WASF3: variants seen among roughly 807,000 people sequenced by gnomAD.
WASF3 encodes the protein WASP family member 3.
In WASF3, 11 loss-of-function variants were observed where a neutral mutation model predicts 46.6. The observed-to-expected ratio is 0.24, with a 90% CI of 0.15 to 0.39. WASF3 has a LOEUF of 0.39. WASF3 is among the 10% of genes least tolerant of loss of function. WASF3 has a pLI of 1.00. For synonymous variants in WASF3, 242 were observed against 259.7 expected (o/e 0.93, Z 0.65); for missense variants, 576 against 669.8 (o/e 0.86, Z 1.55).
At chr13:26,659,565 C>CA (rs1462218907) in intron 3 of WASF3, among the ~76,000 whole-genome samples, 9 of 152,192 alleles carry the variant, frequency 5.9e-5, no homozygotes, top group Middle Eastern at 6.8e-3. Context: ...GTGAACTGAG[C>CA]AGGGGCGTGG....
At chr13:26,539,203 G>A in the WASF3 span, among the ~76,000 whole-genome samples, 1 of 152,134 alleles carries the variant, frequency 6.6e-6, no homozygotes. Flanking sequence ...AATTGAGCCT[G>A]GAGGACAAAT....
intron 1 of WASF3, among the ~76,000 whole-genome samples, chr13:26,605,863 C>G (rs1027994251): frequency 1.3e-5 from 2 of 152,160 alleles, no homozygotes; most frequent in African/African-American, 4.8e-5. Flanking sequence ...TAGGCAAATG[C>G]AAGAGTAGAA....
chr13:26,627,435 C>T (rs775750646), intron 2 of WASF3, among the ~76,000 whole-genome samples: 5 of 152,074 alleles, frequency 3.3e-5, no homozygotes, highest in South Asian at 2.1e-4. Context: ...TTGTCTACCC[C>T]ATTTCCTGTA....
chr13:26,649,805 G>A (rs1293413434), intron 3 of WASF3, among the ~76,000 whole-genome samples: 1 of 152,088 alleles, frequency 6.6e-6, no homozygotes, highest in Non-Finnish European at 1.5e-5. Flanking sequence ...AAACATCTGG[G>A]CACGGTGGCT....
chr13:26,674,412 C>T (rs1164362855), intron 6 of WASF3, among the ~76,000 whole-genome samples: 1 of 152,022 alleles, frequency 6.6e-6, no homozygotes, highest in Non-Finnish European at 1.5e-5. Context: ...CACTTTTTTC[C>T]TTTGGTTTTT....
At chr13:26,660,410 G>A (rs1215130433) in intron 3 of WASF3, among the ~76,000 whole-genome samples, 2 of 152,000 alleles carry the variant, frequency 1.3e-5, no homozygotes, top group Admixed American at 6.5e-5. Context: ...TCAGCACTGG[G>A]CCATGCCAGA....
intron 3 of WASF3, among the ~76,000 whole-genome samples, chr13:26,652,996 T>C (rs1421726343): frequency 6.6e-6 from 1 of 152,244 alleles, no homozygotes; most frequent in South Asian, 2.1e-4. Context: ...TTCATATCTT[T>C]CCACCTCGCA....
intron 3 of WASF3, among the ~76,000 whole-genome samples, chr13:26,656,921 A>G (rs1882484470): frequency 6.6e-6 from 1 of 152,206 alleles, no homozygotes; most frequent in African/African-American, 2.4e-5. Flanking sequence ...CATGTTTTCT[A>G]ATAAATAGAC....
At chr13:26,619,520 T>C (rs1881240638) in intron 2 of WASF3, 1 of 152,102 alleles carries the variant, frequency 6.6e-6, no homozygotes, top group South Asian at 2.1e-4. Flanking sequence ...GCTGGGGAAG[T>C]GGGGTGGATA....
intron 1 of WASF3, among the ~76,000 whole-genome samples, chr13:26,591,427 T>A (rs1880290418): frequency 6.6e-6 from 1 of 151,630 alleles, no homozygotes; most frequent in Admixed American, 6.6e-5. Context: ...GGGGAAGCAG[T>A]AGGATTTTGA....
At position 26,687,139 on chromosome 13, in the gene WASF3, C is replaced by T. The variant is rs920481233; in HGVS notation, c.*1294C>T. On this transcript the variant is annotated 3_prime_UTR_variant, in exon 10 of 10. Coordinates refer to ENST00000335327, the MANE Select transcript of WASF3 (RefSeq NM_006646.6). The stretch of plus-strand genomic sequence containing the variant: ...CCATGGGGAAACTCAAGAATGACAG[C>T]TTCTATATTTTGTAATTCTGGATGA... The T allele has an allele frequency of 6.6e-6, 1 of 152,238 alleles. No homozygotes were observed. The highest frequency in any genetic ancestry group is 2.1e-4 in the South Asian group (1 of 4,834). 9.4% of individuals were successfully genotyped at this position (152,238 alleles called of 1,614,324 possible).
chr13:26,553,669 T>C (rs1484470273), upstream of WASF3, among the ~76,000 whole-genome samples: 2 of 151,854 alleles, frequency 1.3e-5, no homozygotes, highest in African/African-American at 2.4e-5. Flanking sequence ...TACAAAAAAT[T>C]AGCCAGTTGT....
chr13:26,561,976 C>G (rs58462275), intron 1 of WASF3, among the ~76,000 whole-genome samples: 292 of 152,250 alleles, frequency 1.9e-3, no homozygotes, highest in African/African-American at 6.5e-3. Context: ...TTTTTTCTCT[C>G]TATTAAAGTG....
intron 2 of WASF3, among the ~76,000 whole-genome samples, chr13:26,627,169 T>G (rs781159222): frequency 6.6e-6 from 1 of 152,168 alleles, no homozygotes; most frequent in Non-Finnish European, 1.5e-5. Flanking sequence ...AGGTTTAGAT[T>G]AATTGCATGA....
intron 1 of WASF3, among the ~76,000 whole-genome samples, chr13:26,596,519 T>G (rs1344999776): frequency 6.6e-6 from 1 of 152,200 alleles, no homozygotes; most frequent in Non-Finnish European, 1.5e-5. Context: ...ATTGCAGTTT[T>G]CTGCAAGTCA....
chr13:26,551,167 C>T, the WASF3 span, among the ~76,000 whole-genome samples: 1 of 152,152 alleles, frequency 6.6e-6, no homozygotes. Flanking sequence ...GCTTGCTTCC[C>T]CTTTGCCTTC....
intron 3 of WASF3, among the ~76,000 whole-genome samples, chr13:26,662,771 G>A (rs1403125261): frequency 6.6e-6 from 1 of 152,170 alleles, no homozygotes; most frequent in Non-Finnish European, 1.5e-5. Context: ...TAACGAACCT[G>A]CACATGTACC....
intron 4 of WASF3, among the ~76,000 whole-genome samples, chr13:26,666,774 C>G (rs993697769): frequency 4.1e-5 from 6 of 148,078 alleles, no homozygotes; most frequent in Non-Finnish European, 8.9e-5. Flanking sequence ...TGGCGGGTGC[C>G]TGTAGTCCCA....
chr13:26,605,492 C>A (rs2137209882), intron 1 of WASF3, among the ~76,000 whole-genome samples: 1 of 151,768 alleles, frequency 6.6e-6, no homozygotes, highest in African/African-American at 2.4e-5. Flanking sequence ...TAGGAAGATG[C>A]ATTTTTTTTT....
Sources: gnomAD v4.1 joint callset for allele counts (sites outside exome capture counted in the v4.1 genomes callset) on GRCh38, gnomAD v4.1.1 for gene constraint, MANE v1.5 for transcripts, NCBI Gene and HGNC (gene_info 2026-07-23, HGNC 2026-07-21) for gene names.